The following SENP5 variants were observed in gnomAD, a reference collection of about 807,000 sequenced individuals.
SENP5 encodes the protein SUMO specific peptidase 5, also known as sentrin-specific protease 5.
In SENP5, 21 loss-of-function variants were observed where a neutral mutation model predicts 74.2. The ratio of observed to expected loss-of-function variants is 0.28; its 90% CI spans 0.20 to 0.41. SENP5 has a LOEUF of 0.41. Among genes scored for constraint, SENP5 ranks in the 10% least tolerant of loss-of-function variants. SENP5 has a pLI of 1.00. For missense variants in SENP5, 717 were observed against 889.1 expected (o/e 0.81, Z 2.46); for synonymous variants, 311 against 312.7 (o/e 0.99, Z 0.06).
intron 2 of SENP5, among the ~76,000 whole-genome samples, chr3:196,893,169 TC>T (rs1560147155): frequency 6.6e-6 from 1 of 152,240 alleles, no homozygotes. Context: ...TGTACAGGGT[TC>T]CCCTTTCTCC....
chr3:196,871,919 A>G (rs1420650637), intron 1 of SENP5, among the ~76,000 whole-genome samples: 1 of 152,068 alleles, frequency 6.6e-6, no homozygotes, highest in Non-Finnish European at 1.5e-5. Context: ...TTTAAAGCAT[A>G]TGTACACAAA....
At chr3:196,909,696 C>T (rs1010611363) in intron 6 of SENP5, among the ~76,000 whole-genome samples, 12 of 152,144 alleles carry the variant, frequency 7.9e-5, no homozygotes, top group East Asian at 3.9e-4. Flanking sequence ...AAAAGACCTT[C>T]GATAAAATTC....
chr3:196,872,381 G>A (rs1461248838), intron 1 of SENP5, among the ~76,000 whole-genome samples: 1 of 152,064 alleles, frequency 6.6e-6, no homozygotes, highest in Non-Finnish European at 1.5e-5. Flanking sequence ...TTTGCTCCAG[G>A]GTCAGATTCC....
At position 196,893,676 on chromosome 3, in the gene SENP5, G is replaced by A. The variant is rs998541597; in HGVS notation, c.1514-5990G>A. On this transcript the variant is annotated intron_variant, in intron 2 of 9. Transcript: ENST00000323460. The stretch of plus-strand genomic sequence containing the variant: ...TGTAATCCCAGCACTTTGGGAGGCC[G>A]AGGTGGGTGGATCACCTGAGGTCAG... 5.9e-5 allele frequency among the ~76,000 whole-genome samples: 9 copies of A among 152,228 alleles called. 1 individual carries two copies. Among genetic ancestry groups the A allele is most frequent in the African/African-American group, 1.9e-4 (8 of 41,554 alleles).
At chr3:196,877,937 T>C (rs1386243534) in intron 1 of SENP5, among the ~76,000 whole-genome samples, 1 of 152,240 alleles carries the variant, frequency 6.6e-6, no homozygotes, top group Non-Finnish European at 1.5e-5. Context: ...CTTCATTTTT[T>C]CCATTCAGCA....
rs761268083 is a variant in SENP5 at position 196,886,271 on chromosome 3, C to T, written c.1090C>T (p.Pro364Ser). 2.0e-5 allele frequency: 33 copies of T among 1,614,006 alleles called. No individual in the cohort carries two copies. In the South Asian group the frequency reaches 3.3e-4, roughly 16 times the overall value. The change falls in exon 2 of 10, where the codon CCT becomes TCT. Residue 364 changes from proline (P) to serine (S), a missense_variant. By Grantham distance (74) the Pro-to-Ser change is moderately conservative. Around this residue, in one of 4 missense-constraint regions of SENP5, gnomAD observed 567 missense variants for 577.4 expected, o/e 0.98. Transcript: ENST00000323460. ...NAWDQSSCSS[P>S]KWECTELIHD... ...CTGGGACCAGTCATCCTGTTCTTCT[C>T]CTAAGTGGGAGTGTACAGAGCTGAT...
At chr3:196,900,964 G>A (rs745990050) in intron 5 of SENP5, among the ~76,000 whole-genome samples, 1 of 151,750 alleles carries the variant, frequency 6.6e-6, no homozygotes, top group Non-Finnish European at 1.5e-5. Flanking sequence ...AGGTATGTTT[G>A]TTGATATCTG....
intron 1 of SENP5, among the ~76,000 whole-genome samples, chr3:196,878,684 C>T (rs770727689): frequency 4.6e-5 from 7 of 152,138 alleles, no homozygotes; most frequent in African/African-American, 7.2e-5. Flanking sequence ...CTCCGTCTCT[C>T]GGGTTCAAGT....
intron 1 of SENP5, among the ~76,000 whole-genome samples, chr3:196,872,898 A>G (rs1326792345): frequency 1.3e-5 from 2 of 152,084 alleles, no homozygotes; most frequent in Admixed American, 1.3e-4. Context: ...AAGGATGGGT[A>G]GGGGACAGTT....
chr3:196,922,958 G>T (rs1259675277), intron 6 of SENP5, among the ~76,000 whole-genome samples: 1 of 151,938 alleles, frequency 6.6e-6, no homozygotes, highest in East Asian at 1.9e-4. Flanking sequence ...TCATTATGTT[G>T]CCCAGGCTGG....
Position 196,931,454 on chromosome 3 carries a change from T to TAGAG in SENP5, c.*534_*537dup, listed in dbSNP as rs1362697843. ...CCAACTTCCCTCTCCAAGTGAGTCT[T>TAGAG]AGAGAGTGCAGTCCATTCCTTTTGA... On this transcript the variant is annotated 3_prime_UTR_variant, in exon 10 of 10. Coordinates refer to ENST00000323460, the MANE Select transcript of SENP5 (RefSeq NM_152699.5). 1 of 180,204 alleles carries TAGAG rather than the reference T, an allele frequency of 5.5e-6. No homozygotes were observed. Among genetic ancestry groups the TAGAG allele is most frequent in the East Asian group, 1.7e-4 (1 of 5,834 alleles). 11.2% of individuals were successfully genotyped at this position (180,204 alleles called of 1,614,324 possible).
At chr3:196,873,368 C>T (rs1038729117) in intron 1 of SENP5, among the ~76,000 whole-genome samples, 5 of 151,852 alleles carry the variant, frequency 3.3e-5, no homozygotes, top group East Asian at 2.0e-4. Context: ...CCACCGCGCC[C>T]GGCCCCAGCC....
At chr3:196,927,912 G>T (rs374175214) in intron 8 of SENP5, 33 bp downstream of exon 8, 16 of 1,371,530 alleles carry the variant, frequency 1.2e-5, no homozygotes, top group African/African-American at 1.4e-5. Context: ...ACCCAGGCAT[G>T]TCCAGGGGAT....
At chr3:196,929,729 T>A in intron 9 of SENP5, 46 bp downstream of exon 9, 1 of 1,358,826 alleles carries the variant, frequency 7.4e-7, no homozygotes, top group Non-Finnish European at 1.1e-6. Flanking sequence ...GTGAATTGAG[T>A]CTGTTGGGTT....
chr3:196,918,302 G>T (rs1715468059), intron 6 of SENP5, among the ~76,000 whole-genome samples: 1 of 110,460 alleles, frequency 9.1e-6, no homozygotes, highest in South Asian at 2.5e-4. Flanking sequence ...ACGAGACTCT[G>T]TCAAAAAAAA....
At chr3:196,930,364 G>A (rs1715991277) in intron 9 of SENP5, among the ~76,000 whole-genome samples, 2 of 152,294 alleles carry the variant, frequency 1.3e-5, no homozygotes, top group East Asian at 1.9e-4. Context: ...TATTGGGTCA[G>A]GAGGGAGAGG....
chr3:196,900,076 A>G lies in SENP5; in HGVS notation c.1758+14A>G. ...CTGAATGACCAGGTTAGTATATTGT[A>G]GTTTTTCAGTGTGGAGAAGTTGCAG... On this transcript the variant is annotated intron_variant, in intron 4 of 9. Coordinates refer to ENST00000323460, the MANE Select transcript of SENP5 (RefSeq NM_152699.5). 1 of 1,604,006 alleles carries G rather than the reference A, an allele frequency of 6.2e-7. No individual in the cohort carries two copies. Among genetic ancestry groups the G allele is most frequent in the African/African-American group, 1.3e-5 (1 of 74,646 alleles).
chr3:196,888,506 C>T (rs970366213), intron 2 of SENP5, among the ~76,000 whole-genome samples: 5 of 152,016 alleles, frequency 3.3e-5, no homozygotes, highest in African/African-American at 1.2e-4. Context: ...ATCGCTTGAA[C>T]CTGGGAGGCG....
chr3:196,884,670 TTTTG>T (rs1713872284), intron 1 of SENP5, among the ~76,000 whole-genome samples: 1 of 129,586 alleles, frequency 7.7e-6, no homozygotes, highest in African/African-American at 3.7e-5. Flanking sequence ...ATCAGTTTTT[TTTTG>T]TTTTTTTTTT....
Sources: allele counts gnomAD v4.1 joint callset (sites outside exome capture counted in the v4.1 genomes callset), GRCh38; gene constraint gnomAD v4.1.1; regional missense constraint gnomAD v4.1.1; transcripts MANE v1.5; gene names NCBI Gene and HGNC (gene_info 2026-07-23, HGNC 2026-07-21).